The following SYN3 variants were observed in gnomAD, a reference collection of about 807,000 sequenced individuals.
SYN3 encodes synapsin-3.
Under a neutral mutation model 65.8 loss-of-function variants are expected in SYN3, and 35 were observed. The ratio of observed to expected loss-of-function variants is 0.53; its 90% CI spans 0.41 to 0.70. SYN3 has a LOEUF of 0.70. Among genes scored for constraint, SYN3 ranks in the 30% least tolerant of loss-of-function variants. SYN3 has a pLI of 0.00. For synonymous variants in SYN3, 270 were observed against 292.9 expected (o/e 0.92, Z 0.80); for missense variants, 680 against 749.0 (o/e 0.91, Z 1.08).
chr22:32,664,837 G>T (rs1287640252), intron 6 of SYN3, among the ~76,000 whole-genome samples: 1 of 150,830 alleles, frequency 6.6e-6, no homozygotes, highest in African/African-American at 2.4e-5. Flanking sequence ...TAATCTGCCC[G>T]CCTCGGCCTC....
chr22:33,029,910 C>T (rs986337636), intron 1 of SYN3, among the ~76,000 whole-genome samples: 5 of 152,198 alleles, frequency 3.3e-5, no homozygotes, highest in African/African-American at 1.2e-4. Context: ...CGCCCTGACC[C>T]TCACACAGCA....
At chr22:32,732,121 T>C (rs934462094) in intron 6 of SYN3, among the ~76,000 whole-genome samples, 1 of 152,248 alleles carries the variant, frequency 6.6e-6, no homozygotes. Flanking sequence ...TGCAAGCACC[T>C]TCACTTGCTT....
chr22:32,962,380 C>T (rs2051683529), intron 3 of SYN3, among the ~76,000 whole-genome samples: 1 of 152,036 alleles, frequency 6.6e-6, no homozygotes. Context: ...GTGATCTGCC[C>T]ACCTCGGCCT....
intron 6 of SYN3, among the ~76,000 whole-genome samples, chr22:32,643,126 C>T (rs1006474812): frequency 2.6e-5 from 4 of 152,006 alleles, no homozygotes; most frequent in South Asian, 2.1e-4. Context: ...TCACTCAGGC[C>T]GGAGTGCAAT....
chr22:32,736,440 T>C (rs1334798752), intron 6 of SYN3, among the ~76,000 whole-genome samples: 1 of 152,268 alleles, frequency 6.6e-6, no homozygotes. Flanking sequence ...TGTTACTGCA[T>C]AGTGTAGAGT....
intron 3 of SYN3, among the ~76,000 whole-genome samples, chr22:32,939,454 A>C (rs542563281): frequency 5.4e-4 from 83 of 152,348 alleles, no homozygotes; most frequent in African/African-American, 2.0e-3. Context: ...CTGTGTAATC[A>C]ATCCTCAGAT....
chr22:32,654,554 G>A (rs2060116376), intron 6 of SYN3, among the ~76,000 whole-genome samples: 1 of 152,114 alleles, frequency 6.6e-6, no homozygotes, highest in South Asian at 2.1e-4. Context: ...CCTTTGCCCT[G>A]GCTGGGTCAC....
chr22:32,920,481 A>AGCTG (rs1456168894), intron 4 of SYN3, among the ~76,000 whole-genome samples: 1 of 152,134 alleles, frequency 6.6e-6, no homozygotes, highest in South Asian at 2.1e-4. Flanking sequence ...AAGCACCTCG[A>AGCTG]GCTGGCTGGC....
intron 6 of SYN3, among the ~76,000 whole-genome samples, chr22:32,610,372 G>A (rs1040685160): frequency 1.7e-4 from 26 of 151,942 alleles, no homozygotes; most frequent in African/African-American, 6.3e-4. Flanking sequence ...TGTTTAGAAC[G>A]TTTTTATCAC....
At chr22:33,007,096 G>A (rs753299574) in intron 1 of SYN3, among the ~76,000 whole-genome samples, 2 of 152,168 alleles carry the variant, frequency 1.3e-5, no homozygotes, top group Non-Finnish European at 2.9e-5. Context: ...GAAATACTGG[G>A]AAGTATCTCA....
chr22:32,771,365 T>C (rs1411222548), intron 6 of SYN3, among the ~76,000 whole-genome samples: 2 of 152,252 alleles, frequency 1.3e-5, no homozygotes, highest in Middle Eastern at 3.4e-3. Flanking sequence ...AACCACAGAG[T>C]TGGTGACCAG....
At chr22:32,927,292 G>C (rs241881) in intron 4 of SYN3, among the ~76,000 whole-genome samples, 143,570 of 146,620 alleles carry the variant, frequency 0.98, 70,300 homozygotes, top group East Asian at 1. Context: ...GAGACAAGAT[G>C]TTTCTCTGTC....
intron 7 of SYN3, among the ~76,000 whole-genome samples, chr22:32,582,363 T>C (rs1393655451): frequency 7.7e-6 from 1 of 129,784 alleles, no homozygotes; most frequent in Non-Finnish European, 1.8e-5. Flanking sequence ...CCTTTTTTTT[T>C]TTTTGAGACC....
At chr22:33,032,008 G>A (rs751634414) in intron 1 of SYN3, among the ~76,000 whole-genome samples, 9 of 152,018 alleles carry the variant, frequency 5.9e-5, no homozygotes, top group Non-Finnish European at 1.3e-4. Flanking sequence ...TCAGGAGTTC[G>A]AGACCAGCCT....
intron 2 of SYN3, among the ~76,000 whole-genome samples, chr22:32,983,592 G>C (rs2052433950): frequency 6.6e-6 from 1 of 151,522 alleles, no homozygotes; most frequent in African/African-American, 2.4e-5. Flanking sequence ...GGAACTATTA[G>C]TATGACTCGA....
At position 32,742,692 on chromosome 22, in the gene SYN3, C is replaced by A. The variant is rs557226062; in HGVS notation, c.711+122223G>T. 1.2e-4 allele frequency among the ~76,000 whole-genome samples: 18 copies of A among 152,252 alleles called. 1 individual carries two copies. The East Asian group carries it at 3.3e-3, about 28-fold the overall frequency. The stretch of plus-strand genomic sequence containing the variant: ...ATTTAGCTCTGCCTGAGTCCAAAGC[C>A]CATATTCTTTCCATTTTATCCTACA... On this transcript the variant is annotated intron_variant, in intron 6 of 13. Transcript: ENST00000358763.
intron 2 of SYN3, among the ~76,000 whole-genome samples, chr22:32,987,321 CAG>C (rs765482749): frequency 4.6e-5 from 7 of 152,202 alleles, no homozygotes; most frequent in Non-Finnish European, 7.3e-5. Flanking sequence ...GCAAAACACT[CAG>C]AGACTTTGCC....
At chr22:32,565,012 CCAAACAGTGCTCCCGGACTGCACCCAAA>C (rs1241802524) in intron 7 of SYN3, among the ~76,000 whole-genome samples, 1 of 150,864 alleles carries the variant, frequency 6.6e-6, no homozygotes, top group African/African-American at 2.4e-5. Context: ...CGGACTGCAC[CCAAACAGTGCTCCCGGACTGCACCCAAA>C]CAGTGATCTC....
At chr22:32,664,288 A>T (rs2060258449) in intron 6 of SYN3, among the ~76,000 whole-genome samples, 1 of 152,214 alleles carries the variant, frequency 6.6e-6, no homozygotes, top group Non-Finnish European at 1.5e-5. Context: ...CCATCCAATC[A>T]GTACTTGGCT....
Sources: allele counts gnomAD v4.1 joint callset (sites outside exome capture counted in the v4.1 genomes callset), GRCh38; gene constraint gnomAD v4.1.1; transcripts MANE v1.5; gene names NCBI Gene and HGNC (gene_info 2026-07-23, HGNC 2026-07-21).